Variants in PAX5 observed in about 807,000 individuals in gnomAD.
PAX5 encodes paired box 5, also known as paired box protein Pax-5.
Under a neutral mutation model 43.7 loss-of-function variants are expected in PAX5, and 9 were observed. That is an observed-to-expected ratio of 0.21 (90% CI 0.12 to 0.36). The LOEUF is 0.36. Among genes scored for constraint, PAX5 ranks in the 10% least tolerant of loss-of-function variants. PAX5 has a pLI of 1.00. For missense variants in PAX5, 383 were observed against 532.7 expected, an observed-to-expected ratio of 0.72 and a Z score of 2.77; for synonymous variants, 228 against 214.3, an observed-to-expected ratio of 1.06 and a Z score of -0.56.
intron 5 of PAX5, among the ~76,000 whole-genome samples, chr9:36,974,166 C>T (rs1461623543): frequency 6.6e-6 from 1 of 151,956 alleles, no homozygotes; most frequent in Non-Finnish European, 1.5e-5. Flanking sequence ...TGTGACAGAA[C>T]AAGACTCTGT....
chr9:36,940,488 G>A (rs933331014), intron 6 of PAX5, among the ~76,000 whole-genome samples: 4 of 152,224 alleles, frequency 2.6e-5, no homozygotes, highest in East Asian at 1.9e-4. Context: ...GACGTGTGGC[G>A]CAGTGAGGCG....
intron 1 of PAX5, among the ~76,000 whole-genome samples, chr9:37,030,331 C>A (rs932126754): frequency 7.2e-5 from 11 of 152,200 alleles, no homozygotes; most frequent in Non-Finnish European, 1.5e-4. Flanking sequence ...CCTAGCCCAG[C>A]CTTACAGGTC....
chr9:36,968,060 G>A (rs10814487), intron 5 of PAX5, among the ~76,000 whole-genome samples: 112,571 of 152,144 alleles, frequency 0.74, 42,017 homozygotes, highest in South Asian at 0.87. Context: ...ATCATTCCCC[G>A]GGGCTCTCTG....
intron 5 of PAX5, among the ~76,000 whole-genome samples, chr9:36,980,759 C>T (rs1012204971): frequency 6.6e-6 from 1 of 151,924 alleles, no homozygotes; most frequent in Non-Finnish European, 1.5e-5. Context: ...GGGGCAGGTT[C>T]GGGAGGTGAT....
intron 4 of PAX5, among the ~76,000 whole-genome samples, chr9:37,004,838 C>T (rs1183996764): frequency 2.0e-5 from 3 of 152,186 alleles, no homozygotes; most frequent in Non-Finnish European, 2.9e-5. Flanking sequence ...TCAAAAGACC[C>T]AGATTCCACT....
At chr9:36,935,541 T>C (rs559792401) in intron 6 of PAX5, among the ~76,000 whole-genome samples, 1 of 152,302 alleles carries the variant, frequency 6.6e-6, no homozygotes, top group African/African-American at 2.4e-5. Flanking sequence ...TGGTGGTGGG[T>C]ACCAGCAGGG....
intron 7 of PAX5, among the ~76,000 whole-genome samples, chr9:36,911,918 G>A (rs1211344287): frequency 2.6e-5 from 4 of 152,238 alleles, no homozygotes; most frequent in Non-Finnish European, 4.4e-5. Context: ...TCTGGAGTCC[G>A]TGGGTTCACA....
At chr9:36,888,832 T>C (rs1374333703) in intron 7 of PAX5, among the ~76,000 whole-genome samples, 1 of 152,106 alleles carries the variant, frequency 6.6e-6, no homozygotes, top group East Asian at 1.9e-4. Context: ...TGCTCTCCCT[T>C]TCACACAGGC....
intron 6 of PAX5, among the ~76,000 whole-genome samples, chr9:36,959,284 A>C (rs191002412): frequency 2.0e-4 from 31 of 152,380 alleles, no homozygotes; most frequent in Admixed American, 1.9e-3. Context: ...TTCTAAAACC[A>C]CATGTATGAA....
At position 36,996,327 on chromosome 9, in the gene PAX5, G is replaced by C. The variant is rs143022266; in HGVS notation, c.604+6321C>G. On this transcript the variant is annotated intron_variant, in intron 5 of 9. Transcript: ENST00000358127. The stretch of plus-strand genomic sequence containing the variant: ...TCTCACTGTAACCCACAAGGCTTGC[G>C]TCAACTCTATTCGCCAGATAACAAA... 2.6e-5 allele frequency among the ~76,000 whole-genome samples: 4 copies of C among 152,350 alleles called. No homozygotes were observed. In the East Asian group the frequency reaches 7.7e-4, roughly 29 times the overall value.
intron 6 of PAX5, among the ~76,000 whole-genome samples, chr9:36,930,639 T>C (rs192084280): frequency 6.6e-6 from 1 of 152,314 alleles, no homozygotes; most frequent in African/African-American, 2.4e-5. Flanking sequence ...CTTTCTCACT[T>C]GTGTGGCTGT....
rs542536049 is a variant in PAX5 at position 36,919,746 on chromosome 9, C to T, written c.910+3609G>A. On this transcript the variant is annotated intron_variant, in intron 7 of 9. Transcript: ENST00000358127. ...ATCCCAGCTACTCGGGAGGCTGAGG[C>T]AGAGAATTGCTTGAACCCGGGAGGC... is the stretch of plus-strand genomic sequence containing the variant. Among the ~76,000 whole-genome samples, 7 of 142,866 alleles carry T rather than the reference C, an allele frequency of 4.9e-5. No homozygotes were observed. The South Asian group carries it at 1.6e-3, about 32-fold the overall frequency. 93.7% of individuals were successfully genotyped at this position (142,866 alleles called of 152,430 possible).
chr9:36,952,975 A>C (rs1473436209), intron 6 of PAX5, among the ~76,000 whole-genome samples: 1 of 152,092 alleles, frequency 6.6e-6, no homozygotes, highest in African/African-American at 2.4e-5. Context: ...TCTGAACTAC[A>C]TCATTTTCCT....
chr9:37,015,109 C>T lies in PAX5; in HGVS notation c.298G>A (p.Ala100Thr), dbSNP rs1313118042. The T allele has an allele frequency of 7.4e-6, 12 of 1,614,036 alleles. No individual in the cohort carries two copies. Among genetic ancestry groups the T allele is most frequent in the Admixed American group, 5.0e-5 (3 of 60,012 alleles). The change falls in exon 3 of 10, where the codon GCT (alanine) becomes ACT (threonine). Residue 100 changes from alanine (A) to threonine (T), a missense_variant. Transcript: ENST00000358127. The surrounding 1 kb of genome is among the most constrained non-coding windows in gnomAD (Gnocchi z 4.4). Reference protein sequence around the residue: ...VATPKVVEKIAEYKRQNPTMF... With the variant: ...VATPKVVEKITEYKRQNPTMF... ...GTGGGATTTTGGCGTTTATATTCAG[C>T]GATTTTTTCCACCACTTTGGGTGTG...
intron 1 of PAX5, among the ~76,000 whole-genome samples, chr9:37,028,751 C>T (rs1293523859): frequency 6.6e-6 from 1 of 152,206 alleles, no homozygotes. Flanking sequence ...TCAAGCAAAG[C>T]GGCCAGGCGC....
intron 6 of PAX5, among the ~76,000 whole-genome samples, chr9:36,964,592 CACA>C (rs769428771): frequency 6.4e-4 from 59 of 91,670 alleles, no homozygotes; most frequent in African/African-American, 1.6e-3. Context: ...AACTCCAGCT[CACA>C]AAAAAAAAAA....
chr9:36,875,802 A>T (rs1563920832), intron 8 of PAX5, among the ~76,000 whole-genome samples: 1 of 152,162 alleles, frequency 6.6e-6, no homozygotes, highest in Non-Finnish European at 1.5e-5. Context: ...AAGCCAAGGA[A>T]TGCCGGCAGC....
intron 1 of PAX5, among the ~76,000 whole-genome samples, chr9:37,024,069 A>C (rs1840085370): frequency 6.6e-6 from 1 of 152,222 alleles, no homozygotes; most frequent in Non-Finnish European, 1.5e-5. Context: ...CAGCTGTGCC[A>C]ATGTGAACTT....
chr9:36,875,596 G>A (rs943867069), intron 8 of PAX5, among the ~76,000 whole-genome samples: 13 of 152,064 alleles, frequency 8.5e-5, no homozygotes, highest in African/African-American at 2.7e-4. Flanking sequence ...TGATTATGTC[G>A]GATTACATGG....
Sources: allele counts gnomAD v4.1 joint callset (sites outside exome capture counted in the v4.1 genomes callset), GRCh38; gene constraint gnomAD v4.1.1; non-coding constraint Gnocchi (gnomAD v3.1); transcripts MANE v1.5; gene names NCBI Gene and HGNC (gene_info 2026-07-23, HGNC 2026-07-21).